The following ANO4 variants were observed in gnomAD, a reference collection of about 807,000 sequenced individuals.
ANO4 encodes the protein anoctamin 4, also known as anoctamin-4.
A neutral mutation model predicts 141.9 loss-of-function variants in ANO4; 69 were observed. The ratio of observed to expected loss-of-function variants is 0.49; its 90% CI spans 0.40 to 0.59. ANO4 has a LOEUF of 0.59. Among genes scored for constraint, ANO4 ranks in the 20% least tolerant of loss-of-function variants. The pLI, the probability that ANO4 is intolerant of heterozygous loss-of-function variation, is 0.00. For synonymous variants in ANO4, 350 were observed against 394.3 expected (o/e 0.89, Z 1.33); for missense variants, 894 against 1,162.2 (o/e 0.77, Z 3.36).
At chr12:101,115,151 C>G (rs1461652407) in intron 24 of ANO4, among the ~76,000 whole-genome samples, 1 of 152,128 alleles carries the variant, frequency 6.6e-6, no homozygotes, top group Non-Finnish European at 1.5e-5. Context: ...TGACCCCCTG[C>G]TAGATGCAAG....
chr12:100,989,117 G>A (rs1244299500), intron 8 of ANO4, among the ~76,000 whole-genome samples: 3 of 152,190 alleles, frequency 2.0e-5, no homozygotes, highest in South Asian at 4.1e-4. Context: ...TGAAATAGCC[G>A]AGCTGATCCC....
At chr12:100,994,381 C>T (rs887276272) in intron 8 of ANO4, among the ~76,000 whole-genome samples, 1 of 152,112 alleles carries the variant, frequency 6.6e-6, no homozygotes. Context: ...ATGGCATTAG[C>T]GATGACACCC....
At chr12:101,117,953 G>C (rs2050921581) in intron 25 of ANO4, among the ~76,000 whole-genome samples, 1 of 151,946 alleles carries the variant, frequency 6.6e-6, no homozygotes, top group Non-Finnish European at 1.5e-5. Context: ...AGGTCTCATT[G>C]GCTGTCACAT....
At chr12:101,048,155 T>G (rs2047706608) in intron 13 of ANO4, 186 bp from the exon 14 acceptor site, 7 of 1,017,492 alleles carry the variant, frequency 6.9e-6, no homozygotes, top group Non-Finnish European at 9.6e-6. Context: ...CCTCTATATA[T>G]GAACTACCTT....
intron 8 of ANO4, among the ~76,000 whole-genome samples, chr12:100,990,809 A>C (rs377291123): frequency 2.0e-5 from 3 of 152,308 alleles, no homozygotes. Context: ...GACTTGCCCA[A>C]GTGGATAAGG....
At chr12:100,970,683 T>TC (rs1261669271) in intron 5 of ANO4, among the ~76,000 whole-genome samples, 2,136 of 75,984 alleles carry the variant, frequency 0.028, 69 homozygotes, top group Middle Eastern at 0.038. Flanking sequence ...CCTTCCTTCC[T>TC]TCCTTCCTTC....
chr12:100,809,073 C>T (rs1820047251), intron 1 of ANO4, among the ~76,000 whole-genome samples: 1 of 152,052 alleles, frequency 6.6e-6, no homozygotes, highest in African/African-American at 2.4e-5. Flanking sequence ...GCTGTTTACT[C>T]AGAGATGGAA....
At chr12:100,765,809 A>G (rs1037051656) in intron 3 of ANO4, among the ~76,000 whole-genome samples, 8 of 151,704 alleles carry the variant, frequency 5.3e-5, no homozygotes, top group Non-Finnish European at 5.9e-5. Flanking sequence ...TGATATATGA[A>G]TACATTGTAG....
chr12:100,768,130 A>G (rs1386672830), intron 3 of ANO4, among the ~76,000 whole-genome samples: 2 of 152,152 alleles, frequency 1.3e-5, no homozygotes, highest in Non-Finnish European at 2.9e-5. Context: ...TGGCACTGGC[A>G]TAGGCCTGGG....
chr12:100,758,365 C>A (rs779266960), intron 3 of ANO4, among the ~76,000 whole-genome samples: 40 of 152,204 alleles, frequency 2.6e-4, no homozygotes, highest in Admixed American at 7.9e-4. Context: ...ACACTCCAAT[C>A]TTCCTCAAAG....
At chr12:100,735,791 T>A (rs1224925029) in intron 2 of ANO4, among the ~76,000 whole-genome samples, 1 of 152,076 alleles carries the variant, frequency 6.6e-6, no homozygotes, top group African/African-American at 2.4e-5. Context: ...ATAGGTTAGA[T>A]GTGTTGATTT....
chr12:100,732,455 AT>A (rs2031418686), intron 1 of ANO4, among the ~76,000 whole-genome samples: 1 of 152,076 alleles, frequency 6.6e-6, no homozygotes, highest in Admixed American at 6.6e-5. Context: ...AGTTCTTTGT[AT>A]ACTTTATATA....
chr12:100,773,366 G>A (rs561765152), intron 3 of ANO4, among the ~76,000 whole-genome samples: 77 of 152,212 alleles, frequency 5.1e-4, no homozygotes, highest in Non-Finnish European at 9.6e-4. Flanking sequence ...AGATATTTGT[G>A]TTCTCAGAGA....
chr12:100,893,810 C>T (rs1391296846), intron 1 of ANO4, among the ~76,000 whole-genome samples: 1 of 151,888 alleles, frequency 6.6e-6, no homozygotes, highest in South Asian at 2.1e-4. Flanking sequence ...AGAATTTGGT[C>T]GCAGGGGGAT....
intron 1 of ANO4, among the ~76,000 whole-genome samples, chr12:100,726,977 C>A (rs2031160459): frequency 6.8e-6 from 1 of 147,270 alleles, no homozygotes; most frequent in Non-Finnish European, 1.5e-5. Context: ...CCGCCCATTC[C>A]CTAAAAAGGA....
At chr12:100,957,366 A>G (rs931301525) in intron 5 of ANO4, among the ~76,000 whole-genome samples, 2 of 152,194 alleles carry the variant, frequency 1.3e-5, no homozygotes, top group African/African-American at 4.8e-5. Context: ...ACCAAGCACC[A>G]AGCTACCCAC....
chr12:100,736,694 A>G (rs1201117229), intron 2 of ANO4, among the ~76,000 whole-genome samples: 1 of 152,230 alleles, frequency 6.6e-6, no homozygotes, highest in Non-Finnish European at 1.5e-5. Context: ...AGATGAGGTC[A>G]TCTGGACTAG....
intron 9 of ANO4, among the ~76,000 whole-genome samples, chr12:101,026,141 T>A (rs962018902): frequency 5.9e-5 from 9 of 152,106 alleles, no homozygotes; most frequent in Non-Finnish European, 1.2e-4. Flanking sequence ...CACAATGGAA[T>A]CCATTAAAAG....
chr12:100,894,783 G>A (rs994477469), intron 1 of ANO4, among the ~76,000 whole-genome samples: 3 of 151,738 alleles, frequency 2.0e-5, no homozygotes, highest in Non-Finnish European at 4.4e-5. Context: ...CGGCTAAAAC[G>A]GTGAAACCCC....
Sources: allele counts gnomAD v4.1 joint callset (sites outside exome capture counted in the v4.1 genomes callset), GRCh38; gene constraint gnomAD v4.1.1; transcripts MANE v1.5; gene names NCBI Gene and HGNC (gene_info 2026-07-23, HGNC 2026-07-21).